The following HIPK1 variants were observed in gnomAD, a reference collection of about 807,000 sequenced individuals.
HIPK1 encodes the protein homeodomain-interacting protein kinase 1.
Under a neutral mutation model 117.1 loss-of-function variants are expected in HIPK1, and 28 were observed. The ratio of observed to expected loss-of-function variants is 0.24; its 90% CI spans 0.18 to 0.33. HIPK1 has a LOEUF of 0.33. Among genes scored for constraint, HIPK1 ranks in the 10% least tolerant of loss-of-function variants. The pLI, the probability that HIPK1 is intolerant of heterozygous loss-of-function variation, is 1.00. For missense variants in HIPK1, 1,122 were observed against 1,475.1 expected (o/e 0.76, Z 3.92); for synonymous variants, 605 against 562.5 (o/e 1.08, Z -1.07).
intron 6 of HIPK1, 88 bp downstream of exon 6, chr1:113,956,899 C>T (rs1571700122): frequency 8.2e-7 from 1 of 1,223,644 alleles, no homozygotes. Flanking sequence ...GAGCCCGCCA[C>T]TTTGGTGCTT....
At chr1:113,931,998 G>A (rs1325008382) in intron 1 of HIPK1, among the ~76,000 whole-genome samples, 2 of 152,098 alleles carry the variant, frequency 1.3e-5, no homozygotes, top group African/African-American at 4.8e-5. Context: ...AAGTCATCAA[G>A]ATTATTTTCC....
intron 1 of HIPK1, chr1:113,929,951 C>G: frequency 5.1e-6 from 5 of 984,948 alleles, no homozygotes; most frequent in Non-Finnish European, 6.0e-6. Flanking sequence ...TGAGTGGGGA[C>G]GGGCAGGAGG....
chr1:113,967,978 A>C, intron 12 of HIPK1, 30 bp downstream of exon 12: 1 of 1,579,622 alleles, frequency 6.3e-7, no homozygotes, highest in Non-Finnish European at 8.6e-7. Context: ...GATAGTTAAA[A>C]CTGTGCCAGT....
At position 113,973,360 on chromosome 1, in the gene HIPK1, G is replaced by T. The variant is rs753806231; in HGVS notation, c.3481G>T (p.Gly1161Trp). Reference protein sequence around the residue: ...TLVHQVPVSVGPSLLTSASVA... With the variant: ...TLVHQVPVSVWPSLLTSASVA... ...GGTGCACCAGGTCCCTGTCAGTGTTGGGCCCAGCCTCCTCACTTCTGCCAG... is the reference window on the plus strand; with the variant it reads ...GGTGCACCAGGTCCCTGTCAGTGTTTGGCCCAGCCTCCTCACTTCTGCCAG... Residue 1161 changes from glycine (G) to tryptophan (W), a missense_variant, in exon 16 of 16, where the codon GGG (glycine) becomes TGG (tryptophan). Transcript: ENST00000426820. 1.2e-6 allele frequency: 2 copies of T among 1,613,932 alleles called. No homozygotes were observed. The highest frequency in any genetic ancestry group is 1.7e-6 in the Non-Finnish European group (2 of 1,180,018).
At chr1:113,965,027 A>AT (rs1344238393) in intron 10 of HIPK1, among the ~76,000 whole-genome samples, 1 of 152,002 alleles carries the variant, frequency 6.6e-6, no homozygotes, top group Non-Finnish European at 1.5e-5. Flanking sequence ...TACTTCTTTT[A>AT]TTTTTTGTTT....
chr1:113,968,412 A>G (rs769774561), intron 12 of HIPK1, 30 bp from the exon 13 acceptor site: 2 of 1,525,692 alleles, frequency 1.3e-6, no homozygotes, highest in African/African-American at 2.7e-5. Flanking sequence ...CAAGGACTGA[A>G]TCATCTTTCC....
chr1:113,965,346 G>A (rs1350925696), intron 10 of HIPK1, among the ~76,000 whole-genome samples: 2 of 151,942 alleles, frequency 1.3e-5, no homozygotes, highest in African/African-American at 4.8e-5. Context: ...AACATTTGTT[G>A]CTCAGTTTAT....
intron 2 of HIPK1, among the ~76,000 whole-genome samples, chr1:113,942,897 A>G (rs1670744678): frequency 6.6e-6 from 1 of 152,228 alleles, no homozygotes; most frequent in Non-Finnish European, 1.5e-5. Flanking sequence ...GTGAAATAAT[A>G]AAAACATAGA....
intron 8 of HIPK1, 90 bp from the exon 9 acceptor site, chr1:113,962,227 A>G (rs1305682536): frequency 1.5e-5 from 20 of 1,337,478 alleles, no homozygotes; most frequent in Non-Finnish European, 1.7e-5. Flanking sequence ...ACAGTGGATT[A>G]TTTGAACAGA....
At chr1:113,944,221 G>A (rs952801362) in intron 2 of HIPK1, among the ~76,000 whole-genome samples, 1 of 126,316 alleles carries the variant, frequency 7.9e-6, no homozygotes, top group East Asian at 2.4e-4. Context: ...GCCTAGGCTG[G>A]AGTGCAGTGG....
intron 3 of HIPK1, among the ~76,000 whole-genome samples, chr1:113,954,324 T>G (rs1671569234): frequency 6.6e-6 from 1 of 152,222 alleles, no homozygotes; most frequent in African/African-American, 2.4e-5. Flanking sequence ...TTACAATGTC[T>G]GCATGGTATT....
At chr1:113,945,751 A>G (rs1025523271) in intron 2 of HIPK1, among the ~76,000 whole-genome samples, 9 of 152,134 alleles carry the variant, frequency 5.9e-5, no homozygotes, top group African/African-American at 1.7e-4. Context: ...TGATTATTGT[A>G]GCTTTGTAGT....
At chr1:113,937,754 C>T (rs11102705) in intron 1 of HIPK1, among the ~76,000 whole-genome samples, 2 of 151,904 alleles carry the variant, frequency 1.3e-5, no homozygotes, top group Admixed American at 6.6e-5. Flanking sequence ...AGGGGGTGAT[C>T]GTAGGGAGCG....
chr1:113,957,546 A>G (rs1412973305), intron 7 of HIPK1, among the ~76,000 whole-genome samples: 1 of 152,228 alleles, frequency 6.6e-6, no homozygotes, highest in African/African-American at 2.4e-5. Flanking sequence ...CTATTATGCT[A>G]CTTACTGCTG....
At position 113,977,468 on chromosome 1, in the gene HIPK1, T is replaced by G. The variant is rs1160456512; in HGVS notation, c.*3956T>G. 1.3e-5 allele frequency: 2 copies of G among 152,808 alleles called. No homozygotes were observed. Among genetic ancestry groups the G allele is most frequent in the Non-Finnish European group, 2.9e-5 (2 of 68,036 alleles). 9.5% of individuals were successfully genotyped at this position (152,808 alleles called of 1,614,324 possible). ...GATATGCTAGTTATTGTGTGCGATT[T>G]AAACTTTTTTTGCTTTCTCCCTTTT... On this transcript the variant is annotated 3_prime_UTR_variant, in exon 16 of 16. Transcript: ENST00000426820.
intron 9 of HIPK1, among the ~76,000 whole-genome samples, chr1:113,962,992 T>A (rs1318653898): frequency 6.6e-6 from 1 of 152,194 alleles, no homozygotes; most frequent in Non-Finnish European, 1.5e-5. Context: ...TAGAGAAAAT[T>A]GTAAAGTATT....
intron 6 of HIPK1, 35 bp from the exon 7 acceptor site, chr1:113,957,089 G>A: frequency 6.5e-7 from 1 of 1,537,562 alleles, no homozygotes; most frequent in Non-Finnish European, 9.0e-7. Context: ...TTAAATCTCA[G>A]CATTCATTTA....
At chr1:113,962,971 G>A (rs999350280) in intron 9 of HIPK1, among the ~76,000 whole-genome samples, 1 of 152,056 alleles carries the variant, frequency 6.6e-6, no homozygotes, top group African/African-American at 2.4e-5. Context: ...TGGAACATTC[G>A]ACTAAGATGA....
intron 14 of HIPK1, 30 bp from the exon 15 acceptor site, chr1:113,971,794 T>G: frequency 1.3e-6 from 2 of 1,582,224 alleles, no homozygotes; most frequent in Non-Finnish European, 1.7e-6. Context: ...TGATGTCTAC[T>G]CATAACTATT....
Sources: allele counts gnomAD v4.1 joint callset (sites outside exome capture counted in the v4.1 genomes callset), GRCh38; gene constraint gnomAD v4.1.1; transcripts MANE v1.5; gene names NCBI Gene and HGNC (gene_info 2026-07-23, HGNC 2026-07-21).